NEDD4L: variants seen among roughly 807,000 people sequenced by gnomAD.
NEDD4L encodes NEDD4 like E3 ubiquitin protein ligase.
Under a neutral mutation model 148.9 loss-of-function variants are expected in NEDD4L, and 54 were observed. That is an observed-to-expected ratio of 0.36 (90% CI 0.29 to 0.45). The LOEUF (loss-of-function observed/expected upper bound fraction) is 0.45. Ranked by LOEUF, NEDD4L falls within the 20% of genes least tolerant of loss-of-function variation. The pLI, the probability that NEDD4L is intolerant of heterozygous loss-of-function variation, is 1.00. For synonymous variants in NEDD4L, 433 were observed against 440.7 expected, an observed-to-expected ratio of 0.98 and a Z score of 0.22; for missense variants, 856 against 1,233.8, an observed-to-expected ratio of 0.69 and a Z score of 4.59.
At chr18:58,141,762 T>C (rs1440998115) in intron 1 of NEDD4L, among the ~76,000 whole-genome samples, 1 of 152,194 alleles carries the variant, frequency 6.6e-6, no homozygotes, top group Non-Finnish European at 1.5e-5. Flanking sequence ...AAAGGAATAT[T>C]TGAAAAGTAT....
chr18:58,062,421 G>A (rs776396269), intron 1 of NEDD4L, among the ~76,000 whole-genome samples: 1 of 152,138 alleles, frequency 6.6e-6, no homozygotes, highest in Non-Finnish European at 1.5e-5. Context: ...CATGGAGTTT[G>A]GTGAGCAAAC....
intron 16 of NEDD4L, among the ~76,000 whole-genome samples, chr18:58,344,413 T>C (rs1418167168): frequency 2.6e-5 from 4 of 152,184 alleles, no homozygotes; most frequent in Non-Finnish European, 5.9e-5. Context: ...TGCTACCAGG[T>C]GCTAATGGTC....
chr18:58,188,266 G>A (rs899714985), intron 2 of NEDD4L, among the ~76,000 whole-genome samples: 3 of 152,202 alleles, frequency 2.0e-5, no homozygotes, highest in African/African-American at 4.8e-5. Flanking sequence ...GTGAAAATGT[G>A]CATACAGAAC....
At chr18:58,384,376 G>A (rs1397599960) in intron 25 of NEDD4L, among the ~76,000 whole-genome samples, 1 of 152,184 alleles carries the variant, frequency 6.6e-6, no homozygotes, top group African/African-American at 2.4e-5. Context: ...AGGTACCTCG[G>A]TTCTTACCTG....
At chr18:58,274,813 G>A (rs1436251065) in intron 5 of NEDD4L, among the ~76,000 whole-genome samples, 1 of 152,212 alleles carries the variant, frequency 6.6e-6, no homozygotes, top group Non-Finnish European at 1.5e-5. Context: ...CAGATACTGT[G>A]CCCTGTGAGG....
At chr18:58,323,200 T>C in intron 7 of NEDD4L, 32 bp from the exon 8 acceptor site, 1 of 1,348,106 alleles carries the variant, frequency 7.4e-7, no homozygotes, top group East Asian at 2.3e-5. Flanking sequence ...GTCACAACCC[T>C]TCTAACCAAT....
At chr18:58,176,560 C>G (rs979603268) in intron 2 of NEDD4L, among the ~76,000 whole-genome samples, 1 of 152,168 alleles carries the variant, frequency 6.6e-6, no homozygotes, top group Non-Finnish European at 1.5e-5. Context: ...GTCTCAAACT[C>G]CTGACCTCAA....
In NEDD4L at chr18:58,274,568, G is replaced by A. The variant is rs79854896; in HGVS notation, c.297+22514G>A. Among the ~76,000 whole-genome samples, 894 of 152,318 alleles carry A rather than the reference G, an allele frequency of 5.9e-3. 9 individuals are homozygous for A. The highest frequency in any genetic ancestry group is 0.019 in the African/African-American group (809 of 41,568). Reference sequence around the variant, plus strand: ...AAGAGTGGGTATTTTGTTGTCAGGAGTAGAATTATTCACCTTGAAGAACAG... The same window carrying A: ...AAGAGTGGGTATTTTGTTGTCAGGAATAGAATTATTCACCTTGAAGAACAG... On this transcript the variant is annotated intron_variant, in intron 5 of 30. Transcript: ENST00000400345.
At chr18:58,367,655 C>T in intron 21 of NEDD4L, 91 bp from the exon 22 acceptor site, 4 of 1,394,464 alleles carry the variant, frequency 2.9e-6, no homozygotes, top group South Asian at 1.2e-5. Context: ...CGCAGGGACA[C>T]TGTAAAAGTT....
intron 1 of NEDD4L, among the ~76,000 whole-genome samples, chr18:58,148,861 C>T (rs1005890113): frequency 6.6e-6 from 1 of 152,194 alleles, no homozygotes; most frequent in African/African-American, 2.4e-5. Flanking sequence ...AGAATCTTTT[C>T]TTAGAAGAAA....
At chr18:58,310,275 T>A (rs564707633) in intron 5 of NEDD4L, among the ~76,000 whole-genome samples, 12 of 152,330 alleles carry the variant, frequency 7.9e-5, no homozygotes, top group African/African-American at 2.6e-4. Flanking sequence ...CCAGTGTCTC[T>A]AGGACACACC....
chr18:58,069,704 A>ATAG (rs1356936898), intron 1 of NEDD4L, among the ~76,000 whole-genome samples: 1 of 152,244 alleles, frequency 6.6e-6, no homozygotes, highest in Non-Finnish European at 1.5e-5. Context: ...GGAATGCTGG[A>ATAG]TAGTGGATTA....
intron 5 of NEDD4L, among the ~76,000 whole-genome samples, chr18:58,300,567 A>G (rs1186759320): frequency 2.6e-5 from 4 of 152,244 alleles, no homozygotes; most frequent in Non-Finnish European, 5.9e-5. Flanking sequence ...CAGAATACGG[A>G]GCCATGCTCT....
chr18:58,385,399 G>T, intron 25 of NEDD4L, 127 bp from the exon 26 acceptor site: 3 of 783,288 alleles, frequency 3.8e-6, no homozygotes, highest in Non-Finnish European at 4.6e-6. Context: ...AACAGTGGGG[G>T]CACAGAGGAG....
chr18:58,392,725 A>G (rs115410209), intron 30 of NEDD4L, among the ~76,000 whole-genome samples: 3,331 of 152,226 alleles, frequency 0.022, 113 homozygotes, highest in African/African-American at 0.072. Flanking sequence ...CTTTTATCCA[A>G]ATGGTGTCCA....
intron 2 of NEDD4L, among the ~76,000 whole-genome samples, chr18:58,236,829 G>A (rs1203734920): frequency 1.3e-5 from 2 of 152,122 alleles, no homozygotes; most frequent in African/African-American, 4.8e-5. Context: ...TTCAAGACTA[G>A]CCCGACCAAC....
chr18:58,117,051 G>C (rs764153616), intron 1 of NEDD4L, among the ~76,000 whole-genome samples: 2 of 152,204 alleles, frequency 1.3e-5, no homozygotes, highest in Admixed American at 6.5e-5. Flanking sequence ...TAACATACCT[G>C]GGAGAAAGCA....
At chr18:58,051,761 G>A (rs1330347749) in intron 1 of NEDD4L, among the ~76,000 whole-genome samples, 1 of 152,088 alleles carries the variant, frequency 6.6e-6, no homozygotes, top group Non-Finnish European at 1.5e-5. Flanking sequence ...GTTAATTAGC[G>A]ATAAAGCAAA....
chr18:58,214,475 A>T (rs965555255), intron 2 of NEDD4L, among the ~76,000 whole-genome samples: 1 of 152,222 alleles, frequency 6.6e-6, no homozygotes, highest in Non-Finnish European at 1.5e-5. Flanking sequence ...GATCATCTGT[A>T]GAGCAGGGAT....
Sources: allele counts gnomAD v4.1 joint callset (sites outside exome capture counted in the v4.1 genomes callset), GRCh38; gene constraint gnomAD v4.1.1; transcripts MANE v1.5; gene names NCBI Gene and HGNC (gene_info 2026-07-23, HGNC 2026-07-21).